The following SLC25A12 variants were observed in gnomAD, a reference collection of about 807,000 sequenced individuals.
The protein encoded by SLC25A12 is solute carrier family 25 member 12, also known as electrogenic aspartate/glutamate antiporter SLC25A12, mitochondrial.
A neutral mutation model predicts 83.3 loss-of-function variants in SLC25A12; 32 were observed. That is an observed-to-expected ratio of 0.38 (90% confidence interval 0.29 to 0.52). The LOEUF is 0.52. Among genes scored for constraint, SLC25A12 ranks in the 20% least tolerant of loss-of-function variants. SLC25A12 has a pLI of 0.84. For synonymous variants in SLC25A12, 267 were observed against 291.1 expected (o/e 0.92, Z 0.84); for missense variants, 611 against 835.6 (o/e 0.73, Z 3.31).
chr2:171,805,104 T>C (rs922925573), intron 13 of SLC25A12, among the ~76,000 whole-genome samples: 1 of 88,840 alleles, frequency 1.1e-5, no homozygotes, highest in African/African-American at 3.4e-5. Context: ...TTTGTTTTGT[T>C]TTGTTTTTTG....
rs58540694 is a variant in SLC25A12 at position 171,872,596 on chromosome 2, C to T, written c.67-3773G>A. Among the ~76,000 whole-genome samples the T allele has an allele frequency of 0.034, 5,190 of 152,248 alleles. 826 individuals are homozygous for T. The East Asian group carries it at 0.54, about 16-fold the overall frequency. On this transcript the variant is annotated intron_variant, in intron 2 of 17. Coordinates refer to ENST00000422440, the MANE Select transcript of SLC25A12 (RefSeq NM_003705.5). ...AATTACTAGTTCCTGTTACCAGTTC[C>T]ATCCACCAGTAACTAGAATATGGGT...
intron 8 of SLC25A12, among the ~76,000 whole-genome samples, chr2:171,831,043 G>A (rs985963020): frequency 6.6e-5 from 10 of 152,270 alleles, no homozygotes; most frequent in African/African-American, 1.2e-4. Context: ...CAGTGACTGA[G>A]CAGCGAGCTG....
At chr2:171,881,277 C>G (rs914158235) in intron 2 of SLC25A12, among the ~76,000 whole-genome samples, 17 of 152,078 alleles carry the variant, frequency 1.1e-4, no homozygotes, top group African/African-American at 3.9e-4. Flanking sequence ...CTCAGCCTCC[C>G]GAGCAGTTGA....
intron 10 of SLC25A12, among the ~76,000 whole-genome samples, chr2:171,814,913 C>A (rs1684018606): frequency 6.6e-6 from 1 of 152,192 alleles, no homozygotes; most frequent in African/African-American, 2.4e-5. Context: ...TACAGAGGTT[C>A]TGTCCTGAAG....
rs148733954 is a variant in SLC25A12, at chr2:171,791,414, G to A, written c.1585+37C>T. 64 of 1,557,958 alleles carry A rather than the reference G, an allele frequency of 4.1e-5. No individual in the cohort carries two copies. In the African/African-American group the frequency reaches 6.4e-4, roughly 16 times the overall value. On this transcript the variant is annotated intron_variant, in intron 15 of 17. Transcript: ENST00000422440. ...GAGATTCTGTACTTTTTAAATAATG[G>A]GAGAATTCTTTCAGTTAAAAAAAAA...
chr2:171,816,194 T>C (rs942216254), intron 9 of SLC25A12, among the ~76,000 whole-genome samples: 6 of 151,562 alleles, frequency 4.0e-5, no homozygotes, highest in Non-Finnish European at 5.9e-5. Context: ...GCCTCCGAAG[T>C]AGCTAGGACT....
chr2:171,880,773 T>C (rs573814217), intron 2 of SLC25A12, among the ~76,000 whole-genome samples: 21 of 152,370 alleles, frequency 1.4e-4, no homozygotes, highest in Non-Finnish European at 2.2e-4. Context: ...GATTTGTATA[T>C]GTTTGAAATT....
At chr2:171,789,332 C>T (rs1297494457) in intron 15 of SLC25A12, among the ~76,000 whole-genome samples, 2 of 152,128 alleles carry the variant, frequency 1.3e-5, no homozygotes, top group Admixed American at 1.3e-4. Flanking sequence ...AGGTTCATGC[C>T]ATTCTCCTGC....
In SLC25A12 at chr2:171,809,742, A is replaced by G. The variant is rs1362812479; in HGVS notation, c.1225-56T>C. 4 of 1,277,686 alleles carry G rather than the reference A, an allele frequency of 3.1e-6. No individual in the cohort carries two copies. In the East Asian group the frequency reaches 9.2e-5, roughly 29 times the overall value. 79.1% of individuals were successfully genotyped at this position (1,277,686 alleles called of 1,614,324 possible). A position where few individuals can be genotyped will look rare whatever the true frequency, so the allele number is the denominator to read the frequency against. ...AATTCCCAACCATTTCTCTTCTGGC[A>G]TACTGTTGCTTTTCCAAGTCAGCAA... is the stretch of plus-strand genomic sequence containing the variant. On this transcript the variant is annotated intron_variant, in intron 12 of 17. Coordinates refer to ENST00000422440, the MANE Select transcript of SLC25A12 (RefSeq NM_003705.5).
intron 5 of SLC25A12, among the ~76,000 whole-genome samples, chr2:171,838,495 C>T (rs1040568124): frequency 2.0e-5 from 3 of 151,980 alleles, no homozygotes; most frequent in African/African-American, 4.8e-5. Context: ...CTTTTTCTTT[C>T]CTTCTACCTC....
chr2:171,854,109 A>G (rs2884123), intron 4 of SLC25A12, among the ~76,000 whole-genome samples: 117,187 of 152,142 alleles, frequency 0.77, 46,200 homozygotes, highest in East Asian at 0.89. Flanking sequence ...ATGCAGCATT[A>G]CTAGTAGTGC....
At chr2:171,832,313 G>C (rs1232696968) in intron 8 of SLC25A12, among the ~76,000 whole-genome samples, 1 of 152,082 alleles carries the variant, frequency 6.6e-6, no homozygotes, top group Non-Finnish European at 1.5e-5. Flanking sequence ...AATGCTGCTG[G>C]GGCAACTCAG....
intron 4 of SLC25A12, among the ~76,000 whole-genome samples, chr2:171,854,548 C>T (rs1685007310): frequency 6.6e-6 from 1 of 151,940 alleles, no homozygotes; most frequent in Non-Finnish European, 1.5e-5. Context: ...GTCTGGGCGA[C>T]AGAGCAAGAC....
intron 3 of SLC25A12, among the ~76,000 whole-genome samples, chr2:171,861,114 AAAAT>A (rs1238335029): frequency 2.0e-5 from 3 of 150,978 alleles, no homozygotes; most frequent in East Asian, 3.9e-4. Context: ...AATAAAAATA[AAAAT>A]AAATAATAAA....
chr2:171,882,286 G>A lies in SLC25A12; in HGVS notation c.66+10919C>T, dbSNP rs78964234. ...CTCAATTTACACAGGTCATTCAAAT[G>A]GGGCTGACTCAACTGAACAGTTCCA... On this transcript the variant is annotated intron_variant, in intron 2 of 17. Transcript: ENST00000422440. Among the ~76,000 whole-genome samples, 1,592 of 152,276 alleles carry A rather than the reference G, an allele frequency of 0.01. 50 individuals are homozygous for A. The East Asian group carries it at 0.12, about 12-fold the overall frequency.
chr2:171,791,391 G>A, intron 15 of SLC25A12, 60 bp downstream of exon 15: 7 of 1,358,442 alleles, frequency 5.2e-6, no homozygotes, highest in Non-Finnish European at 7.4e-6. Context: ...AGTACATAGA[G>A]ATTCTGTACT....
chr2:171,879,714 T>C (rs1376651226), intron 2 of SLC25A12, among the ~76,000 whole-genome samples: 1 of 152,178 alleles, frequency 6.6e-6, no homozygotes, highest in Non-Finnish European at 1.5e-5. Context: ...ATGTATAAGC[T>C]TGGGCAAATC....
chr2:171,872,565 CTAGTCAAT>C (rs1255526598), intron 2 of SLC25A12, among the ~76,000 whole-genome samples: 2 of 152,162 alleles, frequency 1.3e-5, no homozygotes, highest in Non-Finnish European at 2.9e-5. Flanking sequence ...AAGTTAGTTA[CTAGTCAAT>C]TACTAGTTCC....
At chr2:171,830,815 GTTGT>G (rs1166964848) in intron 8 of SLC25A12, among the ~76,000 whole-genome samples, 2 of 152,226 alleles carry the variant, frequency 1.3e-5, no homozygotes, top group Admixed American at 1.3e-4. Flanking sequence ...ACCCAGCCAG[GTTGT>G]TTAATATTTC....
Sources: gnomAD v4.1 joint callset for allele counts (sites outside exome capture counted in the v4.1 genomes callset) on GRCh38, gnomAD v4.1.1 for gene constraint, MANE v1.5 for transcripts, NCBI Gene and HGNC (gene_info 2026-07-23, HGNC 2026-07-21) for gene names.